The following RASAL2 variants were observed in gnomAD, a reference collection of about 807,000 sequenced individuals.
RASAL2 encodes RAS protein activator like 2.
In RASAL2, 58 loss-of-function variants were observed where a neutral mutation model predicts 128.9. That is an observed-to-expected ratio of 0.45 (90% CI 0.36 to 0.56). The LOEUF (loss-of-function observed/expected upper bound fraction) is 0.56. Ranked by LOEUF, RASAL2 falls within the 20% of genes least tolerant of loss-of-function variation. The pLI, the probability that RASAL2 is intolerant of heterozygous loss-of-function variation, is 0.00. For synonymous variants in RASAL2, 561 were observed against 580.8 expected (o/e 0.97, Z 0.49); for missense variants, 1,360 against 1,601.6 (o/e 0.85, Z 2.57).
At chr1:178,370,205 T>C (rs888544633) in intron 3 of RASAL2, among the ~76,000 whole-genome samples, 5 of 152,144 alleles carry the variant, frequency 3.3e-5, no homozygotes, top group Non-Finnish European at 7.4e-5. Context: ...GTGGAACATG[T>C]AAAGGCGTGG....
rs71628275 is a variant in RASAL2 at position 178,315,189 on chromosome 1, T to C, written c.457+15071T>C. Among the ~76,000 whole-genome samples the C allele has an allele frequency of 4.4e-3, 640 of 146,342 alleles. 2 individuals are homozygous for C. The highest frequency in any genetic ancestry group is 8.0e-3 in the Non-Finnish European group (539 of 67,154). ...CACATTTTCTTAATCCAGTCTATCA[T>C]TGTTGGACATTTGGGTTGGTTCCAA... On this transcript the variant is annotated intron_variant, in intron 3 of 17. Coordinates refer to ENST00000367649, the MANE Select transcript of RASAL2 (RefSeq NM_170692.4).
At chr1:178,129,817 C>A (rs1197198754) in intron 1 of RASAL2, among the ~76,000 whole-genome samples, 1 of 152,110 alleles carries the variant, frequency 6.6e-6, no homozygotes, top group African/African-American at 2.4e-5. Flanking sequence ...ATCCTGACAT[C>A]ATTGTTAGAA....
At position 178,454,627 on chromosome 1, in the gene RASAL2, A is replaced by G. The variant is rs780384953; in HGVS notation, c.2190A>G (p.Glu730=). 2.5e-6 allele frequency: 4 copies of G among 1,613,778 alleles called. No individual in the cohort carries two copies. Among genetic ancestry groups the G allele is most frequent in the African/African-American group, 1.3e-5 (1 of 75,036 alleles). The change falls in exon 12 of 18, where the codon GAA becomes GAG. Residue 730 remains glutamate, a synonymous_variant. Coordinates refer to ENST00000367649, the MANE Select transcript of RASAL2 (RefSeq NM_170692.4). ...ELSVLHSLLW[E]VVSQLDKATV... ...CAGTTTTGCATTCCTTACTGTGGGA[A>G]GTAGTTTCCCAACTTGATAAGGTAA...
chr1:178,465,993 G>A lies in RASAL2; in HGVS notation c.3461G>A (p.Arg1154His), dbSNP rs1423675993. 7.0e-6 allele frequency: 11 copies of A among 1,560,576 alleles called. No homozygotes were observed. The highest frequency in any genetic ancestry group is 3.8e-5 in the Admixed American group (2 of 52,466). ...SSRRLEEYER[R>H]LLVQEQQMQK... ...CGGCGACTGGAGGAATATGAACGCC[G>A]CTTGCTGGTGCAGGAGCAGCAGATG... The change falls in exon 16 of 18, where the codon CGC (arginine) becomes CAC (histidine). Residue 1154 changes from arginine (R) to histidine (H), a missense_variant. Physicochemically the swap from Arg to His is conservative, Grantham distance 29. This residue lies in a region of RASAL2 where 741 missense variants were observed against 868.6 expected (regional missense o/e 0.85). Transcript: ENST00000367649.
chr1:178,286,456 G>C (rs1458164901), intron 2 of RASAL2, among the ~76,000 whole-genome samples: 2 of 151,744 alleles, frequency 1.3e-5, no homozygotes, highest in Non-Finnish European at 2.9e-5. Context: ...TGTTTCTCAA[G>C]CTGGAGTGCA....
At chr1:178,362,782 C>T (rs537835626) in intron 3 of RASAL2, among the ~76,000 whole-genome samples, 4 of 151,450 alleles carry the variant, frequency 2.6e-5, no homozygotes, top group South Asian at 2.1e-4. Flanking sequence ...GTGTGTCTGG[C>T]GTATTTCACT....
intron 1 of RASAL2, among the ~76,000 whole-genome samples, chr1:178,235,094 C>G (rs1031095199): frequency 1.3e-5 from 2 of 152,066 alleles, no homozygotes; most frequent in African/African-American, 4.8e-5. Context: ...TATTAACATT[C>G]CATTAAAATT....
chr1:178,299,887 CTT>C, intron 2 of RASAL2, 103 bp from the exon 3 acceptor site: 1 of 1,182,744 alleles, frequency 8.5e-7, no homozygotes, highest in Non-Finnish European at 1.2e-6. Flanking sequence ...CTGCCTTACT[CTT>C]TGTTACACAC....
At chr1:178,369,651 C>T (rs1455141214) in intron 3 of RASAL2, among the ~76,000 whole-genome samples, 1 of 152,138 alleles carries the variant, frequency 6.6e-6, no homozygotes, top group East Asian at 1.9e-4. Context: ...TTTTCCTTAA[C>T]CAAGTTATTT....
chr1:178,134,697 G>A (rs1054583720), intron 1 of RASAL2, among the ~76,000 whole-genome samples: 1 of 152,138 alleles, frequency 6.6e-6, no homozygotes, highest in African/African-American at 2.4e-5. Flanking sequence ...CAAGAGCAGA[G>A]CTTTCACTGG....
intron 3 of RASAL2, among the ~76,000 whole-genome samples, chr1:178,319,873 C>T (rs1452058793): frequency 1.3e-5 from 2 of 152,210 alleles, no homozygotes; most frequent in Non-Finnish European, 2.9e-5. Flanking sequence ...AGACGCTCTG[C>T]GTTTTAGAGT....
chr1:178,212,558 C>T (rs1417431527), intron 1 of RASAL2, among the ~76,000 whole-genome samples: 2 of 152,104 alleles, frequency 1.3e-5, no homozygotes, highest in Non-Finnish European at 2.9e-5. Flanking sequence ...GTGGCATGAT[C>T]TCGGCTCACT....
intron 2 of RASAL2, among the ~76,000 whole-genome samples, chr1:178,289,991 C>G (rs1013787988): frequency 2.0e-5 from 3 of 152,168 alleles, no homozygotes; most frequent in Admixed American, 6.5e-5. Flanking sequence ...CCAACCCTGA[C>G]CTATTTTAAA....
At chr1:178,269,409 G>C (rs1408924777) in intron 1 of RASAL2, among the ~76,000 whole-genome samples, 2 of 152,202 alleles carry the variant, frequency 1.3e-5, no homozygotes, top group Admixed American at 6.5e-5. Flanking sequence ...GTGAACCAGA[G>C]CAATTCTATC....
intron 5 of RASAL2, among the ~76,000 whole-genome samples, chr1:178,438,818 A>G (rs890823282): frequency 3.3e-5 from 5 of 151,684 alleles, no homozygotes; most frequent in Non-Finnish European, 5.9e-5. Context: ...AGAATTCTAT[A>G]TTGAGATGGA....
At position 178,159,388 on chromosome 1, in the gene RASAL2, G is replaced by C. The variant is rs138491375; in HGVS notation, c.202+64694G>C. Among the ~76,000 whole-genome samples, 64 of 152,256 alleles carry C rather than the reference G, an allele frequency of 4.2e-4. 1 individual carries two copies. The highest frequency in any genetic ancestry group is 3.7e-3 in the South Asian group (18 of 4,816). On this transcript the variant is annotated intron_variant, in intron 1 of 17. Transcript: ENST00000367649. ...TAGGCCAGTCACGCAATATGGAAGG[G>C]TAGACCTGACATATCTTATTTCAGA... is the stretch of plus-strand genomic sequence containing the variant.
Position 178,099,208 on chromosome 1 carries a change from T to C in RASAL2, c.202+4514T>C, listed in dbSNP as rs1248029164. Among the ~76,000 whole-genome samples the C allele has an allele frequency of 5.3e-5, 8 of 152,374 alleles. No homozygotes were observed. In the South Asian group the frequency reaches 1.7e-3, roughly 32 times the overall value. ...TAAATGTCTTAATTTCCTCAGGTAC[T>C]GTTAATTGAATCTTTACACCTGAGT... On this transcript the variant is annotated intron_variant, in intron 1 of 17. Transcript: ENST00000367649.
intron 11 of RASAL2, among the ~76,000 whole-genome samples, chr1:178,453,622 C>A (rs1677545159): frequency 6.6e-6 from 1 of 151,996 alleles, no homozygotes; most frequent in South Asian, 2.1e-4. Context: ...ATGATACATC[C>A]ACACTTTTTT....
intron 1 of RASAL2, among the ~76,000 whole-genome samples, chr1:178,278,453 G>T (rs1005379455): frequency 6.6e-6 from 1 of 152,102 alleles, no homozygotes. Flanking sequence ...CCCCACCCTA[G>T]CTGCCTGCCT....
Sources: allele counts gnomAD v4.1 joint callset (sites outside exome capture counted in the v4.1 genomes callset), GRCh38; gene constraint gnomAD v4.1.1; regional missense constraint gnomAD v4.1.1; transcripts MANE v1.5; gene names NCBI Gene and HGNC (gene_info 2026-07-23, HGNC 2026-07-21).